Variants in CDH4 observed in about 807,000 individuals in gnomAD.
CDH4 encodes the protein cadherin-4.
In CDH4, 33 loss-of-function variants were observed where a neutral mutation model predicts 86.0. That is an observed-to-expected ratio of 0.38 (90% CI 0.29 to 0.51). The LOEUF (loss-of-function observed/expected upper bound fraction) is 0.51. CDH4 is among the 20% of genes least tolerant of loss of function. CDH4 has a pLI of 0.86. For missense variants in CDH4, 1,114 were observed against 1,307.4 expected (o/e 0.85, Z 2.28); for synonymous variants, 555 against 549.4 (o/e 1.01, Z -0.14).
intron 2 of CDH4, among the ~76,000 whole-genome samples, chr20:61,609,838 G>T (rs894184859): frequency 6.6e-6 from 1 of 152,116 alleles, no homozygotes; most frequent in African/African-American, 2.4e-5. Context: ...TGTTTTTCCT[G>T]TGTTTTTCTT....
chr20:61,858,031 GTGTGTC>G (rs1441500838), intron 6 of CDH4, among the ~76,000 whole-genome samples: 2 of 151,902 alleles, frequency 1.3e-5, no homozygotes, highest in South Asian at 2.1e-4. Context: ...GCATCTGTGT[GTGTGTC>G]TGTGTCTGTG....
intron 2 of CDH4, among the ~76,000 whole-genome samples, chr20:61,426,201 T>A (rs965265251): frequency 6.6e-6 from 1 of 152,240 alleles, no homozygotes; most frequent in Non-Finnish European, 1.5e-5. Context: ...CTTTTTCATC[T>A]GAGAGTTAAA....
rs6121686 is a variant in CDH4, at chr20:61,387,738, A to G, written c.169+132801A>G. On this transcript the variant is annotated intron_variant, in intron 2 of 15. Transcript: ENST00000614565. Reference sequence around the variant, plus strand: ...TTGTCATTGGTCCACGCAAGCCTCTATTTTATAAATGTGTTTTTAATCACT... The same window carrying G: ...TTGTCATTGGTCCACGCAAGCCTCTGTTTTATAAATGTGTTTTTAATCACT... Among the ~76,000 whole-genome samples, 58 of 152,100 alleles carry G rather than the reference A, an allele frequency of 3.8e-4. No individual in the cohort carries two copies. In the East Asian group the frequency reaches 0.011, roughly 28 times the overall value.
At position 61,420,201 on chromosome 20, in the gene CDH4, G is replaced by A. The variant is rs974748117; in HGVS notation, c.169+165264G>A. On this transcript the variant is annotated intron_variant, in intron 2 of 15. Coordinates refer to ENST00000614565, the MANE Select transcript of CDH4 (RefSeq NM_001794.5). ...AGCAGCTGCAGGAATCCTCTGCCCC[G>A]AGAGCAAGCCTCCCTCTGCAGGCAG... Among the ~76,000 whole-genome samples the A allele has an allele frequency of 5.9e-5, 9 of 152,216 alleles. No individual in the cohort carries two copies. In the South Asian group the frequency reaches 6.2e-4, roughly 11 times the overall value.
chr20:61,865,914 C>T (rs1398332010), intron 6 of CDH4, among the ~76,000 whole-genome samples: 1 of 152,180 alleles, frequency 6.6e-6, no homozygotes, highest in African/African-American at 2.4e-5. Flanking sequence ...GGCTTAGTTT[C>T]CTGGGCTGCT....
At chr20:61,801,891 A>C (rs1429891392) in intron 4 of CDH4, among the ~76,000 whole-genome samples, 3 of 152,164 alleles carry the variant, frequency 2.0e-5, no homozygotes, top group African/African-American at 7.2e-5. Flanking sequence ...CCTTCACTCC[A>C]TCACGTCTGC....
intron 2 of CDH4, among the ~76,000 whole-genome samples, chr20:61,408,244 C>A (rs898218499): frequency 6.6e-6 from 1 of 152,144 alleles, no homozygotes; most frequent in Non-Finnish European, 1.5e-5. Context: ...ATCATACCTG[C>A]AAAGTCTGTA....
chr20:61,431,546 G>C (rs2085246764), intron 2 of CDH4, among the ~76,000 whole-genome samples: 1 of 151,976 alleles, frequency 6.6e-6, no homozygotes, highest in Non-Finnish European at 1.5e-5. Context: ...TTTTTGTAGA[G>C]ACAGGGTTTC....
At position 61,853,521 on chromosome 20, in the gene CDH4, C is replaced by T. The variant is rs543985890; in HGVS notation, c.877+623C>T. On this transcript the variant is annotated intron_variant, in intron 6 of 15. Coordinates refer to ENST00000614565, the MANE Select transcript of CDH4 (RefSeq NM_001794.5). ...GACTTCACTCTGGCACCGGTGGTGG[C>T]GCCTGCTTTTTCATGTGTGGGGCCC... Among the ~76,000 whole-genome samples the T allele has an allele frequency of 2.8e-4, 43 of 152,194 alleles. 1 individual carries two copies. The highest frequency in any genetic ancestry group is 9.1e-4 in the African/African-American group (38 of 41,536).
At chr20:61,407,848 C>T (rs1050751337) in intron 2 of CDH4, among the ~76,000 whole-genome samples, 2 of 152,106 alleles carry the variant, frequency 1.3e-5, no homozygotes, top group African/African-American at 4.8e-5. Context: ...CGAAGGAAGC[C>T]AGGCACAAGG....
chr20:61,915,173 G>A (rs1386703117), intron 9 of CDH4, among the ~76,000 whole-genome samples: 1 of 152,240 alleles, frequency 6.6e-6, no homozygotes, highest in East Asian at 1.9e-4. Context: ...AGCTGGGGCT[G>A]GAACCTGCTA....
intron 7 of CDH4, among the ~76,000 whole-genome samples, chr20:61,878,001 C>T (rs568265083): frequency 1.3e-5 from 2 of 152,154 alleles, no homozygotes; most frequent in African/African-American, 2.4e-5. Flanking sequence ...ACCACGGGGG[C>T]CCCAGAGGGA....
At chr20:61,878,637 A>G (rs1468802848) in intron 7 of CDH4, among the ~76,000 whole-genome samples, 1 of 152,146 alleles carries the variant, frequency 6.6e-6, no homozygotes, top group Non-Finnish European at 1.5e-5. Flanking sequence ...TGGAGAGGTC[A>G]TCCCCTTGGG....
chr20:61,515,230 C>G (rs532629859), intron 2 of CDH4, among the ~76,000 whole-genome samples: 1 of 152,380 alleles, frequency 6.6e-6, no homozygotes, highest in African/African-American at 2.4e-5. Flanking sequence ...ATTTGAGCTC[C>G]CGGTTCTGGG....
intron 3 of CDH4, among the ~76,000 whole-genome samples, chr20:61,757,968 G>A (rs1281120721): frequency 2.0e-5 from 3 of 152,104 alleles, no homozygotes; most frequent in Non-Finnish European, 4.4e-5. Context: ...CACGTGTCCC[G>A]GCACTGCTGT....
rs1359225822 is a variant in CDH4 at position 61,879,298 on chromosome 20, C to G, written c.1050+5398C>G. 6.6e-6 allele frequency among the ~76,000 whole-genome samples: 1 copy of G among 152,224 alleles called. No homozygotes were observed. Among genetic ancestry groups the G allele is most frequent in the Admixed American group, 6.5e-5 (1 of 15,282 alleles). On this transcript the variant is annotated intron_variant, in intron 7 of 15. Transcript: ENST00000614565. This position sits in a 1 kb window ranked among gnomAD's most constrained non-coding sequence, Gnocchi z 4.1. Reference sequence around the variant, plus strand: ...ACATCGGGACCATTTCTCCACCAGCCCAGCTTGCCTTGCATCGGCCGGACA... The same window carrying G: ...ACATCGGGACCATTTCTCCACCAGCGCAGCTTGCCTTGCATCGGCCGGACA...
At chr20:61,733,611 C>T (rs1437572291) in intron 2 of CDH4, among the ~76,000 whole-genome samples, 1 of 149,046 alleles carries the variant, frequency 6.7e-6, no homozygotes, top group African/African-American at 2.5e-5. Context: ...CAGGACGGTA[C>T]GTAGGGAGGA....
intron 3 of CDH4, among the ~76,000 whole-genome samples, chr20:61,749,541 T>C (rs1458512995): frequency 1.3e-5 from 2 of 152,112 alleles, no homozygotes; most frequent in Non-Finnish European, 2.9e-5. Flanking sequence ...TTTTCTTAAC[T>C]CAGAGCAAGT....
At chr20:61,263,266 C>T (rs1323351133) in intron 2 of CDH4, among the ~76,000 whole-genome samples, 3 of 152,090 alleles carry the variant, frequency 2.0e-5, no homozygotes, top group Non-Finnish European at 4.4e-5. Flanking sequence ...CCTTTTTGCC[C>T]GGGCTCTGGG....
Sources: allele counts gnomAD v4.1 joint callset (sites outside exome capture counted in the v4.1 genomes callset), GRCh38; gene constraint gnomAD v4.1.1; non-coding constraint Gnocchi (gnomAD v3.1); transcripts MANE v1.5; gene names NCBI Gene and HGNC (gene_info 2026-07-23, HGNC 2026-07-21).